The following CYB5A variants were observed in gnomAD, a reference collection of about 807,000 sequenced individuals.
CYB5A encodes the protein cytochrome b5 type A.
CYB5A carries 10 observed loss-of-function variants against 16.2 expected under a neutral mutation model. That is an observed-to-expected ratio of 0.62 (90% CI 0.38 to 1.04). CYB5A has a LOEUF of 1.04. Ranked by LOEUF, CYB5A falls within the 50% of genes least tolerant of loss-of-function variation. CYB5A has a pLI of 0.01. For missense variants in CYB5A, 161 were observed against 165.9 expected, an observed-to-expected ratio of 0.97 and a Z score of 0.16; for synonymous variants, 62 against 57.0, an observed-to-expected ratio of 1.09 and a Z score of -0.40.
chr18:74,262,491 G>T (rs111558026), intron 2 of CYB5A, among the ~76,000 whole-genome samples: 1 of 151,600 alleles, frequency 6.6e-6, no homozygotes, highest in Non-Finnish European at 1.5e-5. Flanking sequence ...GCCAAATTAG[G>T]CCAGTGTTTT....
intron 1 of CYB5A, among the ~76,000 whole-genome samples, chr18:74,279,453 C>T (rs1983005570): frequency 6.6e-6 from 1 of 152,210 alleles, no homozygotes; most frequent in South Asian, 2.1e-4. Context: ...CTGCTTGAAC[C>T]CGGGAGGCAG....
At chr18:74,281,583 G>C (rs567322778) in intron 1 of CYB5A, among the ~76,000 whole-genome samples, 1 of 152,308 alleles carries the variant, frequency 6.6e-6, no homozygotes, top group South Asian at 2.1e-4. Context: ...GGCACCCTGG[G>C]AGACCTTGGC....
intron 3 of CYB5A, chr18:74,256,012 C>T: frequency 2.0e-6 from 1 of 509,582 alleles, no homozygotes; most frequent in Non-Finnish European, 3.5e-6. Flanking sequence ...AATTTAAAAA[C>T]ATTCAAAATT....
intron 3 of CYB5A, 48 bp from the exon 4 acceptor site, chr18:74,255,823 C>T: frequency 7.1e-7 from 1 of 1,408,140 alleles, no homozygotes; most frequent in Non-Finnish European, 1.0e-6. Context: ...GAATGCTGAA[C>T]TTATTTCATT....
chr18:74,268,018 C>T lies in CYB5A; in HGVS notation c.130-4541G>A, dbSNP rs1190564395. Among the ~76,000 whole-genome samples the T allele has an allele frequency of 2.6e-5, 4 of 152,208 alleles. No individual in the cohort carries two copies. The East Asian group carries it at 7.7e-4, about 29-fold the overall frequency. On this transcript the variant is annotated intron_variant, in intron 1 of 4. Coordinates refer to ENST00000340533, the MANE Select transcript of CYB5A (RefSeq NM_148923.4). Reference sequence around the variant, plus strand: ...TGACCCTAACGGTCTTCCGTCTTTCCAGAGGAAGATTTCCATTTGTTTTTG... The same window carrying T: ...TGACCCTAACGGTCTTCCGTCTTTCTAGAGGAAGATTTCCATTTGTTTTTG...
At chr18:74,264,210 C>CAAAA (rs59600245) in intron 1 of CYB5A, among the ~76,000 whole-genome samples, 19 of 144,074 alleles carry the variant, frequency 1.3e-4, no homozygotes, top group African/African-American at 4.9e-4. Context: ...GACTCTGTCT[C>CAAAA]AAAAAAAAAA....
intron 1 of CYB5A, among the ~76,000 whole-genome samples, chr18:74,289,416 G>C (rs77218854): frequency 2.4e-4 from 36 of 152,036 alleles, no homozygotes; most frequent in Non-Finnish European, 4.4e-4. Flanking sequence ...TAATTCTCAA[G>C]TTGGAGAGAT....
chr18:74,275,452 C>A (rs1340615289), intron 1 of CYB5A, among the ~76,000 whole-genome samples: 2 of 152,136 alleles, frequency 1.3e-5, no homozygotes, highest in African/African-American at 2.4e-5. Context: ...GTCCCCAGGA[C>A]AGGCCGAGAA....
intron 1 of CYB5A, among the ~76,000 whole-genome samples, chr18:74,282,979 T>C (rs184490388): frequency 1.7e-3 from 260 of 152,306 alleles, no homozygotes; most frequent in Non-Finnish European, 3.2e-3. Context: ...ATAGCATTTA[T>C]TACTCAAGCT....
intron 1 of CYB5A, among the ~76,000 whole-genome samples, chr18:74,264,692 A>C (rs1425614407): frequency 6.6e-6 from 1 of 152,212 alleles, no homozygotes; most frequent in African/African-American, 2.4e-5. Flanking sequence ...GCAGGGGTTC[A>C]ACTCCACACT....
chr18:74,286,535 A>C (rs1477111015), intron 1 of CYB5A, among the ~76,000 whole-genome samples: 1 of 152,184 alleles, frequency 6.6e-6, no homozygotes, highest in Non-Finnish European at 1.5e-5. Flanking sequence ...CACATATATC[A>C]TTTCTCCCAA....
chr18:74,275,584 C>T (rs889787942), intron 1 of CYB5A, among the ~76,000 whole-genome samples: 1 of 152,200 alleles, frequency 6.6e-6, no homozygotes, highest in African/African-American at 2.4e-5. Context: ...CTAATTACTA[C>T]ATCAATCATT....
chr18:74,263,949 C>T (rs185993764), intron 1 of CYB5A, among the ~76,000 whole-genome samples: 123 of 151,852 alleles, frequency 8.1e-4, no homozygotes, highest in African/African-American at 1.7e-3. Context: ...CAACCTTTCC[C>T]GGCCGGGCAC....
intron 1 of CYB5A, among the ~76,000 whole-genome samples, chr18:74,285,990 A>G (rs1983305810): frequency 6.6e-6 from 1 of 152,222 alleles, no homozygotes; most frequent in Non-Finnish European, 1.5e-5. Flanking sequence ...ATCCCTCTAT[A>G]CAATAAGGAG....
At chr18:74,271,817 G>A (rs992261906) in intron 1 of CYB5A, among the ~76,000 whole-genome samples, 20 of 152,300 alleles carry the variant, frequency 1.3e-4, no homozygotes, top group Non-Finnish European at 2.1e-4. Context: ...GGCATAATAC[G>A]CTACTGTCAA....
chr18:74,262,612 T>G (rs970691854), intron 2 of CYB5A, among the ~76,000 whole-genome samples: 46 of 152,310 alleles, frequency 3.0e-4, no homozygotes, highest in African/African-American at 1.1e-3. Flanking sequence ...GCTTATTCAT[T>G]TCACATAGCT....
At chr18:74,273,948 C>A (rs1310586213) in intron 1 of CYB5A, among the ~76,000 whole-genome samples, 1 of 152,220 alleles carries the variant, frequency 6.6e-6, no homozygotes, top group Non-Finnish European at 1.5e-5. Context: ...GGATGGCACG[C>A]CCAGGACTGT....
At chr18:74,266,210 T>C (rs1394236073) in intron 1 of CYB5A, among the ~76,000 whole-genome samples, 1 of 152,206 alleles carries the variant, frequency 6.6e-6, no homozygotes, top group African/African-American at 2.4e-5. Flanking sequence ...ATGGTTTTGT[T>C]GATTCCAGAA....
At chr18:74,290,916 C>A (rs1054868020) in intron 1 of CYB5A, 2 of 152,638 alleles carry the variant, frequency 1.3e-5, no homozygotes, top group African/African-American at 4.8e-5. Flanking sequence ...GCGAGTCCCA[C>A]GCAGAACGTC....
Sources: allele counts gnomAD v4.1 joint callset (sites outside exome capture counted in the v4.1 genomes callset), GRCh38; gene constraint gnomAD v4.1.1; transcripts MANE v1.5; gene names NCBI Gene and HGNC (gene_info 2026-07-23, HGNC 2026-07-21).